The following TNFSF11 variants were observed in gnomAD, a reference collection of about 807,000 sequenced individuals.
TNFSF11 encodes tumor necrosis factor ligand superfamily member 11.
TNFSF11 carries 12 observed loss-of-function variants against 32.2 expected under a neutral mutation model. That is an observed-to-expected ratio of 0.37 (90% CI 0.24 to 0.60). TNFSF11 has a LOEUF of 0.60. Among genes scored for constraint, TNFSF11 ranks in the 20% least tolerant of loss-of-function variants. The pLI is 0.66. For synonymous variants in TNFSF11, 172 were observed against 152.1 expected, an observed-to-expected ratio of 1.13 and a Z score of -0.96; for missense variants, 345 against 398.0, an observed-to-expected ratio of 0.87 and a Z score of 1.13.
intron 1 of TNFSF11, among the ~76,000 whole-genome samples, chr13:42,563,680 G>A (rs1158727470): frequency 6.6e-6 from 1 of 150,468 alleles, no homozygotes; most frequent in East Asian, 1.9e-4. Flanking sequence ...AAAAAAAAAA[G>A]GAAGAAAGAA....
intron 2 of TNFSF11, among the ~76,000 whole-genome samples, chr13:42,582,991 A>G (rs1485056129): frequency 2.6e-5 from 4 of 152,068 alleles, no homozygotes; most frequent in Non-Finnish European, 5.9e-5. Context: ...TCATGTTGTA[A>G]CTCCTCAAAA....
rs1477197724 is a variant in TNFSF11, at chr13:42,574,189, C to A, written c.-115C>A. The A allele has an allele frequency of 4.9e-6, 7 of 1,415,038 alleles. No individual in the cohort carries two copies. The East Asian group carries it at 1.5e-4, about 30-fold the overall frequency. 87.7% of individuals were successfully genotyped at this position (1,415,038 alleles called of 1,614,324 possible). On this transcript the variant is annotated 5_prime_UTR_variant, in exon 1 of 5. Coordinates refer to ENST00000398795, the MANE Select transcript of TNFSF11 (RefSeq NM_003701.4). ...GCGCGCCCCAGGACCCAAAGCCGGG[C>A]TCCAAGTCGGCGCCCCACGTCGAGG...
At chr13:42,575,876 A>G (rs930109256) in intron 1 of TNFSF11, among the ~76,000 whole-genome samples, 1 of 152,236 alleles carries the variant, frequency 6.6e-6, no homozygotes, top group African/African-American at 2.4e-5. Flanking sequence ...GTGTGTTGCA[A>G]TAAGAATGGC....
intron 2 of TNFSF11, among the ~76,000 whole-genome samples, chr13:42,595,479 C>A (rs1365018456): frequency 6.6e-6 from 1 of 152,116 alleles, no homozygotes; most frequent in Non-Finnish European, 1.5e-5. Flanking sequence ...GATCACAAAT[C>A]CTCCTGGGAA....
intron 4 of TNFSF11, among the ~76,000 whole-genome samples, chr13:42,605,867 G>A (rs1043088197): frequency 3.3e-5 from 5 of 152,182 alleles, no homozygotes; most frequent in African/African-American, 9.7e-5. Context: ...GAGTTTAGAC[G>A]TCTGACCTTT....
At chr13:42,606,399 C>A in intron 4 of TNFSF11, 98 bp from the exon 5 acceptor site, 2 of 1,396,588 alleles carry the variant, frequency 1.4e-6, no homozygotes, top group Non-Finnish European at 2.0e-6. Flanking sequence ...GAAATAATGA[C>A]TGCTATACTA....
chr13:42,600,550 C>T (rs1402559483), intron 2 of TNFSF11, among the ~76,000 whole-genome samples: 1 of 152,176 alleles, frequency 6.6e-6, no homozygotes, highest in South Asian at 2.1e-4. Context: ...GGTATGATCT[C>T]AAACACATCA....
At chr13:42,596,454 G>T (rs1404336395) in intron 2 of TNFSF11, among the ~76,000 whole-genome samples, 1 of 152,158 alleles carries the variant, frequency 6.6e-6, no homozygotes, top group Non-Finnish European at 1.5e-5. Context: ...GGGTGGGCTA[G>T]TGGTATTTTG....
In TNFSF11 at chr13:42,581,312, T is replaced by A; in HGVS notation, c.387+19T>A. The A allele has an allele frequency of 6.2e-7, 1 of 1,613,788 alleles. No individual in the cohort carries two copies. Among genetic ancestry groups the A allele is most frequent in the Non-Finnish European group, 8.5e-7 (1 of 1,179,776 alleles). On this transcript the variant is annotated intron_variant, in intron 2 of 4. Transcript: ENST00000398795. The stretch of plus-strand genomic sequence containing the variant: ...GCAAAAGGTAAGTCCACATCGAGGC[T>A]GATAAGTCAAGGGCCCTTGCTGACT...
intron 1 of TNFSF11, among the ~76,000 whole-genome samples, chr13:42,580,116 T>C (rs1436853442): frequency 2.0e-5 from 3 of 152,212 alleles, no homozygotes; most frequent in African/African-American, 4.8e-5. Context: ...AGTTTGTACA[T>C]GCTAATAAGA....
At position 42,581,240 on chromosome 13, in the gene TNFSF11, A is replaced by C. The variant is rs376376644; in HGVS notation, c.334A>C (p.Ile112Leu). The C allele has an allele frequency of 1.4e-5, 22 of 1,614,148 alleles. 1 individual carries two copies. The highest frequency in any genetic ancestry group is 1.9e-5 in the Non-Finnish European group (22 of 1,180,006). ...TCTGGAGAGTCAAGATACAAAATTA[A>C]TACCTGATTCATGTAGGAGAATTAA... is the stretch of plus-strand genomic sequence containing the variant. ...TTLESQDTKL[I>L]PDSCRRIKQA... Residue 112 changes from isoleucine to leucine, a missense_variant, in exon 2 of 5, where the codon ATA becomes CTA. Physicochemically the swap from Ile to Leu is conservative, Grantham distance 5. This residue lies in a region of TNFSF11 where 197 missense variants were observed against 182.0 expected (regional missense o/e 1.08). Transcript: ENST00000398795.
intron 4 of TNFSF11, among the ~76,000 whole-genome samples, chr13:42,604,927 G>A (rs1869372433): frequency 6.6e-6 from 1 of 152,158 alleles, no homozygotes; most frequent in African/African-American, 2.4e-5. Flanking sequence ...GGGATTACGG[G>A]CGCCTGCCAC....
chr13:42,599,880 T>A lies in TNFSF11; in HGVS notation c.388-872T>A, dbSNP rs146011684. On this transcript the variant is annotated intron_variant, in intron 2 of 4. Transcript: ENST00000398795. ...ATAGACATCTAAATTTACCAGGCAC[T>A]CTGCTAAGTGCCTACACACATTATC... 2.9e-3 allele frequency among the ~76,000 whole-genome samples: 446 copies of A among 152,280 alleles called. 5 individuals are homozygous for A. The highest frequency in any genetic ancestry group is 9.8e-3 in the African/African-American group (408 of 41,560).
intron 1 of TNFSF11, among the ~76,000 whole-genome samples, chr13:42,578,720 G>A (rs1457049132): frequency 6.6e-6 from 1 of 152,062 alleles, no homozygotes; most frequent in Non-Finnish European, 1.5e-5. Context: ...GATGAAATTG[G>A]CCAGTGAGGG....
intron 1 of TNFSF11, among the ~76,000 whole-genome samples, chr13:42,563,724 G>A (rs1872767921): frequency 6.6e-6 from 1 of 151,930 alleles, no homozygotes; most frequent in Non-Finnish European, 1.5e-5. Context: ...CCAGCCTGAG[G>A]GAAAATATAT....
intron 1 of TNFSF11, among the ~76,000 whole-genome samples, chr13:42,576,293 T>C (rs1873311876): frequency 6.6e-6 from 1 of 152,110 alleles, no homozygotes; most frequent in Admixed American, 6.5e-5. Context: ...CATGGCTGTG[T>C]AGGAAAGAGT....
At chr13:42,589,634 C>T (rs975522205) in intron 2 of TNFSF11, among the ~76,000 whole-genome samples, 1 of 152,184 alleles carries the variant, frequency 6.6e-6, no homozygotes. Context: ...TCGCCTCCAT[C>T]GCAACTTGTA....
chr13:42,576,446 A>G (rs970023606), intron 1 of TNFSF11, among the ~76,000 whole-genome samples: 2 of 152,180 alleles, frequency 1.3e-5, no homozygotes, highest in African/African-American at 4.8e-5. Flanking sequence ...TGAAACATTC[A>G]GAACCCCTTT....
At chr13:42,583,476 A>T (rs1213612329) in intron 2 of TNFSF11, among the ~76,000 whole-genome samples, 1 of 147,310 alleles carries the variant, frequency 6.8e-6, no homozygotes, top group African/African-American at 2.5e-5. Flanking sequence ...GATTATTAAC[A>T]TTATTTATGA....
Sources: gnomAD v4.1 joint callset for allele counts (sites outside exome capture counted in the v4.1 genomes callset) on GRCh38, gnomAD v4.1.1 for gene constraint, gnomAD v4.1.1 regional missense constraint, MANE v1.5 for transcripts, NCBI Gene and HGNC (gene_info 2026-07-23, HGNC 2026-07-21) for gene names.